GALNTL6: variants seen among roughly 807,000 people sequenced by gnomAD.
The protein encoded by GALNTL6 is polypeptide N-acetylgalactosaminyltransferase like 6.
Under a neutral mutation model 73.7 loss-of-function variants are expected in GALNTL6, and 46 were observed. That is an observed-to-expected ratio of 0.62 (90% CI 0.49 to 0.80). The LOEUF (loss-of-function observed/expected upper bound fraction) is 0.80. Among genes scored for constraint, GALNTL6 ranks in the 30% least tolerant of loss-of-function variants. The pLI is 0.00. For synonymous variants in GALNTL6, 259 were observed against 263.7 expected (o/e 0.98, Z 0.17); for missense variants, 604 against 755.0 (o/e 0.80, Z 2.34).
intron 5 of GALNTL6, among the ~76,000 whole-genome samples, chr4:172,548,925 T>A (rs756714119): frequency 6.6e-6 from 1 of 152,188 alleles, no homozygotes; most frequent in Non-Finnish European, 1.5e-5. Flanking sequence ...AATCTTAATG[T>A]TGTTTCTCTA....
chr4:172,057,689 C>G (rs1275727378), intron 2 of GALNTL6, among the ~76,000 whole-genome samples: 3 of 120,516 alleles, frequency 2.5e-5, no homozygotes, highest in African/African-American at 3.4e-5. Context: ...CTGGGTGACA[C>G]AGACCCTGTC....
intron 5 of GALNTL6, among the ~76,000 whole-genome samples, chr4:172,661,579 C>T (rs1480086398): frequency 6.6e-6 from 1 of 152,118 alleles, no homozygotes; most frequent in South Asian, 2.1e-4. Context: ...TCTTTGCTAG[C>T]ATTGTGAGAC....
At chr4:172,439,766 C>T (rs867234557) in intron 5 of GALNTL6, among the ~76,000 whole-genome samples, 46 of 151,948 alleles carry the variant, frequency 3.0e-4, no homozygotes, top group African/African-American at 1.0e-3. Flanking sequence ...TCCAAATAGT[C>T]GATTTTATTT....
chr4:172,020,705 C>T (rs1741370938), intron 2 of GALNTL6, among the ~76,000 whole-genome samples: 1 of 151,938 alleles, frequency 6.6e-6, no homozygotes, highest in South Asian at 2.1e-4. Flanking sequence ...GACACAATAG[C>T]TTCACTGCAG....
chr4:172,274,443 A>G (rs567445179), intron 3 of GALNTL6, among the ~76,000 whole-genome samples: 1 of 152,322 alleles, frequency 6.6e-6, no homozygotes, highest in South Asian at 2.1e-4. Flanking sequence ...ATAGAATCAG[A>G]CAATCCGTAG....
chr4:172,773,470 G>T (rs1738894265), intron 5 of GALNTL6, among the ~76,000 whole-genome samples: 1 of 152,058 alleles, frequency 6.6e-6, no homozygotes, highest in African/African-American at 2.4e-5. Flanking sequence ...AATTTATGCA[G>T]AATATTCTTC....
intron 10 of GALNTL6, among the ~76,000 whole-genome samples, chr4:172,991,366 G>A (rs1001506384): frequency 2.0e-5 from 3 of 151,660 alleles, no homozygotes; most frequent in Non-Finnish European, 2.9e-5. Flanking sequence ...TTGTATTCAC[G>A]TATGATTTAT....
chr4:172,298,951 C>T (rs1157117989), intron 3 of GALNTL6, among the ~76,000 whole-genome samples: 2 of 152,164 alleles, frequency 1.3e-5, no homozygotes, highest in Non-Finnish European at 2.9e-5. Context: ...GGTACCAGCT[C>T]CTCCTTGTAT....
At position 172,237,617 on chromosome 4, in the gene GALNTL6, G is replaced by T. The variant is rs185114385; in HGVS notation, c.247+7853G>T. ...ATTCAGTCGCATTTGTCAATTTTTG[G>T]TTTTGTTGCAGTTTTTTTTGATGTC... On this transcript the variant is annotated intron_variant, in intron 3 of 12. Coordinates refer to ENST00000506823, the MANE Select transcript of GALNTL6 (RefSeq NM_001034845.3). Among the ~76,000 whole-genome samples, 17 of 152,026 alleles carry T rather than the reference G, an allele frequency of 1.1e-4. No individual in the cohort carries two copies. In the East Asian group the frequency reaches 1.4e-3, roughly 12 times the overall value.
At chr4:172,699,333 T>C (rs1246973029) in intron 5 of GALNTL6, among the ~76,000 whole-genome samples, 1 of 152,150 alleles carries the variant, frequency 6.6e-6, no homozygotes, top group Non-Finnish European at 1.5e-5. Context: ...CATAAATGTA[T>C]GTGTGTGTGT....
At chr4:173,012,818 C>G (rs1752612786) in intron 11 of GALNTL6, among the ~76,000 whole-genome samples, 1 of 152,178 alleles carries the variant, frequency 6.6e-6, no homozygotes, top group African/African-American at 2.4e-5. Context: ...GCATAGTCAG[C>G]AAATACTAGT....
At chr4:172,895,402 A>ATT (rs1240803881) in intron 8 of GALNTL6, among the ~76,000 whole-genome samples, 1 of 114,360 alleles carries the variant, frequency 8.7e-6, no homozygotes, top group Admixed American at 7.8e-5. Context: ...ATATATATAT[A>ATT]TTTTTTTTTT....
At chr4:171,838,975 C>T (rs1334600628) in intron 2 of GALNTL6, among the ~76,000 whole-genome samples, 2 of 152,058 alleles carry the variant, frequency 1.3e-5, no homozygotes, top group Admixed American at 6.6e-5. Flanking sequence ...ACCAGTTTCC[C>T]GGTTTTATAC....
intron 10 of GALNTL6, among the ~76,000 whole-genome samples, chr4:172,970,521 T>C (rs1357022067): frequency 1.3e-5 from 2 of 152,192 alleles, no homozygotes; most frequent in African/African-American, 4.8e-5. Context: ...CTCTCCTACT[T>C]ACATGTCCGT....
intron 11 of GALNTL6, among the ~76,000 whole-genome samples, chr4:173,012,220 C>T (rs886367066): frequency 1.3e-5 from 2 of 152,160 alleles, no homozygotes; most frequent in African/African-American, 2.4e-5. Context: ...GTTACTGCCT[C>T]CTATAGCCAG....
rs528238969 is a variant in GALNTL6 at position 172,949,824 on chromosome 4, G to A, written c.1150-2213G>A. Among the ~76,000 whole-genome samples the A allele has an allele frequency of 1.3e-3, 199 of 151,438 alleles. 1 individual carries two copies. The highest frequency in any genetic ancestry group is 2.2e-3 in the Non-Finnish European group (149 of 67,900). On this transcript the variant is annotated intron_variant, in intron 9 of 12. Coordinates refer to ENST00000506823, the MANE Select transcript of GALNTL6 (RefSeq NM_001034845.3). Reference sequence around the variant, plus strand: ...CGTGGGAGGCTGAGGCAGGAGAATCGCTTGAAGCTGGGAGGCAGAGGTTGC... The same window carrying A: ...CGTGGGAGGCTGAGGCAGGAGAATCACTTGAAGCTGGGAGGCAGAGGTTGC...
At chr4:172,553,886 A>T (rs980816833) in intron 5 of GALNTL6, among the ~76,000 whole-genome samples, 1 of 152,094 alleles carries the variant, frequency 6.6e-6, no homozygotes, top group Non-Finnish European at 1.5e-5. Context: ...ACAAGATCCC[A>T]TCTCTACAAA....
chr4:172,039,534 T>C (rs1192590119), intron 2 of GALNTL6, among the ~76,000 whole-genome samples: 4 of 152,054 alleles, frequency 2.6e-5, no homozygotes, highest in Non-Finnish European at 4.4e-5. Flanking sequence ...GCTTCTCTAG[T>C]AGGGGACAGT....
At chr4:172,587,348 T>C (rs1014615793) in intron 5 of GALNTL6, among the ~76,000 whole-genome samples, 11 of 152,178 alleles carry the variant, frequency 7.2e-5, no homozygotes, top group Admixed American at 2.0e-4. Context: ...CCCCACCCAT[T>C]AGATAATCTC....
Sources: gnomAD v4.1 joint callset for allele counts (sites outside exome capture counted in the v4.1 genomes callset) on GRCh38, gnomAD v4.1.1 for gene constraint, MANE v1.5 for transcripts, NCBI Gene and HGNC (gene_info 2026-07-23, HGNC 2026-07-21) for gene names.